Variants in AKAP13 observed in about 807,000 individuals in gnomAD.
AKAP13 encodes A-kinase anchor protein 13.
Under a neutral mutation model 264.5 loss-of-function variants are expected in AKAP13, and 80 were observed. The ratio of observed to expected loss-of-function variants is 0.30; its 90% CI spans 0.25 to 0.36. The LOEUF is 0.36. AKAP13 is among the 10% of genes least tolerant of loss of function. The probability of loss-of-function intolerance (pLI) is 1.00; values close to 1 mark genes in which losing one functional copy is unlikely to be tolerated. For missense variants in AKAP13, 3,712 were observed against 3,435.2 expected (o/e 1.08, Z -2.01); for synonymous variants, 1,380 against 1,250.2 (o/e 1.10, Z -2.19).
rs535787374 is a variant in AKAP13 at position 85,727,869 on chromosome 15, C to A, written c.7087+406C>A. On this transcript the variant is annotated intron_variant, in intron 29 of 36. Coordinates refer to ENST00000394518, the MANE Select transcript of AKAP13 (RefSeq NM_007200.5). The surrounding 1 kb of genome is among the most constrained non-coding windows in gnomAD (Gnocchi z 5.3). The stretch of plus-strand genomic sequence containing the variant: ...GATTTAATCCTCCCCCAGTCCCTAG[C>A]GTTATCACTTATCCGCATGTTTACA... Among the ~76,000 whole-genome samples the A allele has an allele frequency of 9.2e-5, 14 of 152,298 alleles. No homozygotes were observed. The highest frequency in any genetic ancestry group is 2.6e-4 in the African/African-American group (11 of 41,560).
chr15:85,394,945 A>C (rs1302293998), intron 1 of AKAP13, among the ~76,000 whole-genome samples: 1 of 152,180 alleles, frequency 6.6e-6, no homozygotes, highest in Non-Finnish European at 1.5e-5. Context: ...TGGAGTAACT[A>C]ATTTTCTTAC....
chr15:85,488,626 C>T (rs774684527), intron 2 of AKAP13, among the ~76,000 whole-genome samples: 3 of 152,154 alleles, frequency 2.0e-5, no homozygotes, highest in Non-Finnish European at 4.4e-5. Context: ...CAGGAGTTCT[C>T]ATGAGTGAGA....
intron 5 of AKAP13, among the ~76,000 whole-genome samples, chr15:85,557,554 G>A (rs570071681): frequency 2.0e-4 from 31 of 152,180 alleles, no homozygotes; most frequent in African/African-American, 7.5e-4. Flanking sequence ...CCCAGTCATG[G>A]CTCACTGTAG....
intron 16 of AKAP13, among the ~76,000 whole-genome samples, chr15:85,691,154 A>G (rs1388644855): frequency 2.0e-5 from 3 of 152,220 alleles, no homozygotes; most frequent in Non-Finnish European, 2.9e-5. Flanking sequence ...TGTCATGATC[A>G]CTGACTTGGG....
intron 4 of AKAP13, among the ~76,000 whole-genome samples, chr15:85,537,336 A>G (rs536211528): frequency 1.3e-5 from 2 of 152,392 alleles, no homozygotes; most frequent in African/African-American, 4.8e-5. Flanking sequence ...ATACAGGTAA[A>G]TAAGGCACCT....
intron 14 of AKAP13, among the ~76,000 whole-genome samples, chr15:85,674,824 ATGTG>A (rs71141476): frequency 2.0e-5 from 3 of 151,004 alleles, no homozygotes; most frequent in African/African-American, 4.9e-5. Context: ...TGAAATATGT[ATGTG>A]TGTGTGTGTG....
At chr15:85,496,430 G>C (rs182450222) in intron 2 of AKAP13, among the ~76,000 whole-genome samples, 1 of 152,246 alleles carries the variant, frequency 6.6e-6, no homozygotes, top group Admixed American at 6.5e-5. Flanking sequence ...CATGCAAACG[G>C]AGATACTGTG....
chr15:85,592,123 A>G, intron 8 of AKAP13, among the ~76,000 whole-genome samples: 1 of 103,818 alleles, frequency 9.6e-6, no homozygotes, highest in East Asian at 2.7e-4. Context: ...AGTTATTTTT[A>G]CAACAGTATT....
At chr15:85,608,497 C>G (rs1012626189) in intron 8 of AKAP13, among the ~76,000 whole-genome samples, 4 of 152,310 alleles carry the variant, frequency 2.6e-5, no homozygotes, top group Non-Finnish European at 2.9e-5. Flanking sequence ...ATCAGACCAA[C>G]ATGCAGTAGC....
At chr15:85,440,552 C>G (rs1010492369) in intron 1 of AKAP13, among the ~76,000 whole-genome samples, 10 of 152,088 alleles carry the variant, frequency 6.6e-5, no homozygotes, top group African/African-American at 2.4e-4. Context: ...CTATATTCAT[C>G]AGTAAAAAAT....
intron 1 of AKAP13, among the ~76,000 whole-genome samples, chr15:85,382,648 G>T (rs2070347013): frequency 6.6e-6 from 1 of 152,138 alleles, no homozygotes; most frequent in African/African-American, 2.4e-5. Flanking sequence ...TATTGTTTTA[G>T]GATTTCTCAC....
chr15:85,641,121 C>T (rs1028845194), intron 9 of AKAP13, among the ~76,000 whole-genome samples: 3 of 152,056 alleles, frequency 2.0e-5, no homozygotes, highest in Admixed American at 2.0e-4. Context: ...TACACACTTC[C>T]TCAAGAGAGC....
rs1035576351 is a variant in AKAP13, at chr15:85,727,006, G to C, written c.6823-60G>C. ...TCTGGTCTTACCTTAGATTGAAGCT[G>C]TCCTTCAGAGTTAGAATATTGTATA... On this transcript the variant is annotated intron_variant, in intron 27 of 36. Coordinates refer to ENST00000394518, the MANE Select transcript of AKAP13 (RefSeq NM_007200.5). This position sits in a 1 kb window ranked among gnomAD's most constrained non-coding sequence, Gnocchi z 5.3. 3.8e-6 allele frequency: 6 copies of C among 1,582,580 alleles called. No homozygotes were observed. Among genetic ancestry groups the C allele is most frequent in the Non-Finnish European group, 5.2e-6 (6 of 1,155,218 alleles).
intron 1 of AKAP13, among the ~76,000 whole-genome samples, chr15:85,407,836 T>C (rs1386423172): frequency 6.6e-6 from 1 of 151,574 alleles, no homozygotes; most frequent in African/African-American, 2.4e-5. Context: ...CTGTGAGCAG[T>C]AGAGGATAGT....
At chr15:85,479,432 G>A (rs1277796791) in intron 1 of AKAP13, among the ~76,000 whole-genome samples, 1 of 152,164 alleles carries the variant, frequency 6.6e-6, no homozygotes, top group African/African-American at 2.4e-5. Flanking sequence ...GTCTTAGCAG[G>A]ATCCCTGGCC....
intron 1 of AKAP13, among the ~76,000 whole-genome samples, chr15:85,460,671 G>A (rs1224559597): frequency 3.3e-5 from 5 of 152,204 alleles, no homozygotes; most frequent in Non-Finnish European, 7.3e-5. Context: ...TCTAATCATA[G>A]GAATCTTTAA....
Position 85,662,221 on chromosome 15 carries a change from T to C in AKAP13, c.4800-2342T>C, listed in dbSNP as rs116153449. Among the ~76,000 whole-genome samples, 632 of 152,356 alleles carry C rather than the reference T, an allele frequency of 4.1e-3. 5 individuals carry two copies. The highest frequency in any genetic ancestry group is 0.014 in the African/African-American group (601 of 41,582). On this transcript the variant is annotated intron_variant, in intron 12 of 36. Coordinates refer to ENST00000394518, the MANE Select transcript of AKAP13 (RefSeq NM_007200.5). ...ATATTTTTAAGTTTCTATGATTTTT[T>C]ATTATAGCCTTTTTAAAAATTGTCA...
intron 9 of AKAP13, among the ~76,000 whole-genome samples, chr15:85,639,946 A>G (rs917809387): frequency 1.3e-5 from 2 of 152,164 alleles, no homozygotes; most frequent in African/African-American, 2.4e-5. Flanking sequence ...GAACCATTAC[A>G]CTTTGGACAC....
At chr15:85,440,380 T>C (rs1333414628) in intron 1 of AKAP13, among the ~76,000 whole-genome samples, 1 of 152,250 alleles carries the variant, frequency 6.6e-6, no homozygotes, top group African/African-American at 2.4e-5. Context: ...AATTTATTCA[T>C]GTGTTCTGAA....
Sources: allele counts gnomAD v4.1 joint callset (sites outside exome capture counted in the v4.1 genomes callset), GRCh38; gene constraint gnomAD v4.1.1; non-coding constraint Gnocchi (gnomAD v3.1); transcripts MANE v1.5; gene names NCBI Gene and HGNC (gene_info 2026-07-23, HGNC 2026-07-21).